The following EVI5 variants were observed in gnomAD, a reference collection of about 807,000 sequenced individuals.
EVI5 encodes ecotropic viral integration site 5 protein homolog.
In EVI5, 73 loss-of-function variants were observed where a neutral mutation model predicts 112.0. That is an observed-to-expected ratio of 0.65 (90% CI 0.54 to 0.79). EVI5 has a LOEUF of 0.79. EVI5 is among the 30% of genes least tolerant of loss of function. EVI5 has a pLI of 0.00. For synonymous variants in EVI5, 305 were observed against 319.9 expected, an observed-to-expected ratio of 0.95 and a Z score of 0.50; for missense variants, 900 against 968.8, an observed-to-expected ratio of 0.93 and a Z score of 0.94.
chr1:92,613,570 G>A (rs1471227371), intron 16 of EVI5, among the ~76,000 whole-genome samples: 3 of 151,870 alleles, frequency 2.0e-5, no homozygotes, highest in African/African-American at 4.8e-5. Flanking sequence ...GATTACAGGC[G>A]TGAGCCACCA....
chr1:92,672,781 T>C (rs1666082873), intron 10 of EVI5, among the ~76,000 whole-genome samples: 1 of 152,236 alleles, frequency 6.6e-6, no homozygotes, highest in Admixed American at 6.5e-5. Flanking sequence ...TTGGATATTA[T>C]GTAGCCATTA....
intron 2 of EVI5, chr1:92,733,349 A>G (rs1463814652): frequency 6.6e-6 from 1 of 152,300 alleles, no homozygotes; most frequent in Non-Finnish European, 1.5e-5. Flanking sequence ...TCTTTTTTTA[A>G]TTCTTAAAAG....
At chr1:92,736,669 G>A (rs2102818228) in intron 1 of EVI5, 42 bp from the exon 2 acceptor site, 1 of 1,223,962 alleles carries the variant, frequency 8.2e-7, no homozygotes, top group Non-Finnish European at 1.2e-6. Flanking sequence ...TAGTTACACT[G>A]TATTCATTAC....
chr1:92,726,212 T>C (rs1182637), intron 2 of EVI5, among the ~76,000 whole-genome samples: 152,024 of 152,314 alleles, frequency 1, 75,870 homozygotes, highest in Non-Finnish European at 1. Context: ...AGAAGTTCAA[T>C]ACATCACAAA....
At chr1:92,636,641 G>C (rs906048774) in intron 13 of EVI5, among the ~76,000 whole-genome samples, 2 of 151,898 alleles carry the variant, frequency 1.3e-5, no homozygotes, top group Admixed American at 1.3e-4. Flanking sequence ...CAGATACAAA[G>C]AATTTTTTCT....
chr1:92,537,941 A>C (rs1664165116), intron 19 of EVI5, among the ~76,000 whole-genome samples: 1 of 152,178 alleles, frequency 6.6e-6, no homozygotes. Flanking sequence ...TATATAATGC[A>C]ATAGTTAAAG....
chr1:92,781,613 T>C (rs1278917010), intron 1 of EVI5, among the ~76,000 whole-genome samples: 1 of 152,068 alleles, frequency 6.6e-6, no homozygotes, highest in Admixed American at 6.6e-5. Context: ...CAAAAAGCAG[T>C]AACCATAAAG....
At position 92,673,180 on chromosome 1, in the gene EVI5, C is replaced by CT. The variant is rs1666153583; in HGVS notation, c.1158+3977dup. Among the ~76,000 whole-genome samples the CT allele has an allele frequency of 9.0e-5, 7 of 77,974 alleles. 1 individual carries two copies. The Admixed American group carries it at 1.0e-3, about 11-fold the overall frequency. The allele number at this position is 77,974 out of a possible 152,430, so 51.2% of individuals were successfully genotyped here. On this transcript the variant is annotated intron_variant, in intron 10 of 19. Transcript: ENST00000684568. The stretch of plus-strand genomic sequence containing the variant: ...TAATTCCTGGGCAACTTAGATAACA[C>CT]TTCTCTTTTTTTTTTTTTTTTTCAT...
chr1:92,567,464 G>A (rs967845184), intron 18 of EVI5, among the ~76,000 whole-genome samples: 1 of 152,144 alleles, frequency 6.6e-6, no homozygotes, highest in Admixed American at 6.5e-5. Flanking sequence ...CTATACAGGT[G>A]TACCATTTTA....
chr1:92,689,662 C>T (rs902010034), intron 9 of EVI5, among the ~76,000 whole-genome samples: 1 of 151,986 alleles, frequency 6.6e-6, no homozygotes, highest in African/African-American at 2.4e-5. Context: ...AACCACTGCA[C>T]GTGGCCACAA....
chr1:92,581,770 G>A (rs1408502469), intron 18 of EVI5, among the ~76,000 whole-genome samples: 2 of 71,544 alleles, frequency 2.8e-5, no homozygotes, highest in Non-Finnish European at 5.3e-5. Context: ...CATCTTTGGT[G>A]CAACATTTAT....
intron 19 of EVI5, among the ~76,000 whole-genome samples, chr1:92,550,114 T>C (rs1451498152): frequency 2.0e-5 from 3 of 152,040 alleles, no homozygotes; most frequent in African/African-American, 4.8e-5. Context: ...CCATCAATGA[T>C]AGACTGGATT....
chr1:92,510,727 G>A lies in EVI5; in HGVS notation c.*2929C>T, dbSNP rs935907360. 1.3e-5 allele frequency: 2 copies of A among 152,204 alleles called. No individual in the cohort carries two copies. Among genetic ancestry groups the A allele is most frequent in the African/African-American group, 4.8e-5 (2 of 41,454 alleles). The allele number at this position is 152,204 out of a possible 1,614,324, so 9.4% of individuals were successfully genotyped here. A position where few individuals can be genotyped will look rare whatever the true frequency, so the allele number is the denominator to read the frequency against. On this transcript the variant is annotated 3_prime_UTR_variant, in exon 20 of 20. Transcript: ENST00000684568. ...TATTTAAAAGGGTGAGCATGGGTGT[G>A]CCCCAATAAAACTTTACTTATGGAC...
At chr1:92,699,077 T>A (rs1423473045) in intron 5 of EVI5, among the ~76,000 whole-genome samples, 1 of 152,194 alleles carries the variant, frequency 6.6e-6, no homozygotes, top group African/African-American at 2.4e-5. Context: ...TGAAGACTGC[T>A]GCTAATAACA....
intron 1 of EVI5, among the ~76,000 whole-genome samples, chr1:92,791,533 A>G (rs923131013): frequency 1.1e-4 from 17 of 152,318 alleles, no homozygotes; most frequent in African/African-American, 3.8e-4. Context: ...AAAGACAAAT[A>G]AAAAAGACTG....
intron 9 of EVI5, among the ~76,000 whole-genome samples, chr1:92,680,743 A>G (rs989244104): frequency 5.3e-5 from 8 of 152,178 alleles, no homozygotes; most frequent in African/African-American, 1.9e-4. Context: ...TATCATATAT[A>G]TCGTATGGTG....
intron 16 of EVI5, among the ~76,000 whole-genome samples, chr1:92,608,516 C>A (rs1650976976): frequency 6.6e-6 from 1 of 151,956 alleles, no homozygotes; most frequent in South Asian, 2.1e-4. Flanking sequence ...CCAACTTGGC[C>A]AAAATGGTGA....
intron 13 of EVI5, among the ~76,000 whole-genome samples, chr1:92,637,718 G>C (rs1368067098): frequency 6.6e-6 from 1 of 152,072 alleles, no homozygotes; most frequent in African/African-American, 2.4e-5. Flanking sequence ...GAACTAGCAT[G>C]AATAAAGCAC....
chr1:92,532,203 G>A (rs914398394), intron 19 of EVI5, among the ~76,000 whole-genome samples: 36 of 152,078 alleles, frequency 2.4e-4, no homozygotes, highest in African/African-American at 8.2e-4. Flanking sequence ...ATTACATAAT[G>A]GTAAAGGGAT....
Sources: allele counts gnomAD v4.1 joint callset (sites outside exome capture counted in the v4.1 genomes callset), GRCh38; gene constraint gnomAD v4.1.1; transcripts MANE v1.5; gene names NCBI Gene and HGNC (gene_info 2026-07-23, HGNC 2026-07-21).